QTGAL: variants seen among roughly 807,000 people sequenced by gnomAD.
QTGAL encodes BGnT-like protein 1.
chr17:82,979,368 GATCA>G, the QTGAL span: 2 of 152,192 alleles, frequency 1.3e-5, no homozygotes, highest in Non-Finnish European at 2.9e-5. Flanking sequence ...AGAGCAAGTG[GATCA>G]ATTCCTCAAA....
chr17:82,964,753 C>T, the QTGAL span, among the ~76,000 whole-genome samples: 13 of 107,288 alleles, frequency 1.2e-4, no homozygotes, highest in East Asian at 3.0e-4. Flanking sequence ...TGCACCCCCA[C>T]GGGGGGGACG....
chr17:83,009,292 C>A, the QTGAL span, among the ~76,000 whole-genome samples: 1 of 152,144 alleles, frequency 6.6e-6, no homozygotes, highest in African/African-American at 2.4e-5. Flanking sequence ...GGCGTGGTGG[C>A]GCACACCTGT....
At chr17:83,006,455 G>A in the QTGAL span, 4 of 984,244 alleles carry the variant, frequency 4.1e-6, no homozygotes, top group South Asian at 1.9e-4. This position sits in a 1 kb window ranked among gnomAD's most constrained non-coding sequence, Gnocchi z 5.8. Context: ...GACCCTCTGT[G>A]CCCTTCACCA....
the QTGAL span, among the ~76,000 whole-genome samples, chr17:83,011,885 C>T: frequency 4.6e-5 from 7 of 151,974 alleles, no homozygotes; most frequent in East Asian, 7.8e-4. Context: ...TTTGAACACA[C>T]GCCACGAACT....
At chr17:83,041,669 C>T in the QTGAL span, among the ~76,000 whole-genome samples, 17 of 152,164 alleles carry the variant, frequency 1.1e-4, no homozygotes, top group Admixed American at 3.3e-4. Flanking sequence ...GTCAAAAATG[C>T]TTGGGGGCCT....
At chr17:83,028,925 C>A in the QTGAL span, among the ~76,000 whole-genome samples, 23 of 152,132 alleles carry the variant, frequency 1.5e-4, no homozygotes, top group Non-Finnish European at 2.1e-4. Context: ...ACACAGCCAC[C>A]AATACACAAG....
At chr17:82,997,928 A>ATATAT in the QTGAL span, among the ~76,000 whole-genome samples, 968 of 78,248 alleles carry the variant, frequency 0.012, 4 homozygotes, top group Non-Finnish European at 0.021. Flanking sequence ...TTTAAAAAAA[A>ATATAT]AAATATATAT....
chr17:83,005,054 A>G, the QTGAL span: 1 of 1,392,990 alleles, frequency 7.2e-7, no homozygotes, highest in Non-Finnish European at 9.9e-7. The surrounding 1 kb of genome is among the most constrained non-coding windows in gnomAD (Gnocchi z 5.6). Flanking sequence ...AGCATAATGC[A>G]TGAGATGGCG....
chr17:82,944,189 A>G, the QTGAL span: 6 of 152,194 alleles, frequency 3.9e-5, no homozygotes, highest in African/African-American at 1.2e-4. Context: ...CAGTGACACT[A>G]TGTGGCAAAG....
At chr17:83,033,862 G>C in the QTGAL span, among the ~76,000 whole-genome samples, 9 of 152,264 alleles carry the variant, frequency 5.9e-5, no homozygotes, top group Admixed American at 5.9e-4. Context: ...TAAATTCTTA[G>C]AAAGTTTATT....
the QTGAL span, among the ~76,000 whole-genome samples, chr17:82,980,362 T>C: frequency 6.6e-6 from 1 of 152,192 alleles, no homozygotes; most frequent in Non-Finnish European, 1.5e-5. Flanking sequence ...AAACCATCAG[T>C]TCTGGAGTAG....
At chr17:83,007,089 G>C in the QTGAL span, 2 of 586,138 alleles carry the variant, frequency 3.4e-6, no homozygotes, top group Non-Finnish European at 4.3e-6. Flanking sequence ...TTTGCCGTCT[G>C]TACACCCTCC....
chr17:82,959,021 G>GGTGTGT, the QTGAL span, among the ~76,000 whole-genome samples: 59 of 16,156 alleles, frequency 3.7e-3, 5 homozygotes, highest in Non-Finnish European at 4.9e-3. Flanking sequence ...GGGGGTGTAT[G>GGTGTGT]GTGTGTGTGT....
chr17:83,032,508 AACC>A, the QTGAL span, among the ~76,000 whole-genome samples: 1 of 95,274 alleles, frequency 1.0e-5, no homozygotes, highest in Non-Finnish European at 2.1e-5. Flanking sequence ...GGAGCTGAAC[AACC>A]AGGTCAGACC....
At chr17:82,954,388 C>A in the QTGAL span, among the ~76,000 whole-genome samples, 1 of 151,752 alleles carries the variant, frequency 6.6e-6, no homozygotes, top group African/African-American at 2.4e-5. Flanking sequence ...TGAACTCTCA[C>A]AATTGCTACA....
chr17:82,970,116 C>T, the QTGAL span, among the ~76,000 whole-genome samples: 2 of 152,236 alleles, frequency 1.3e-5, no homozygotes, highest in Admixed American at 1.3e-4. Context: ...GCTTCTGCGT[C>T]GTGACAGGTG....
At chr17:83,026,588 C>G in the QTGAL span, among the ~76,000 whole-genome samples, 1 of 151,236 alleles carries the variant, frequency 6.6e-6, no homozygotes, top group South Asian at 2.1e-4. Context: ...GGGCAGGGAG[C>G]CTGCAGACAA....
the QTGAL span, among the ~76,000 whole-genome samples, chr17:82,974,304 C>G: frequency 6.6e-6 from 1 of 152,210 alleles, no homozygotes; most frequent in Non-Finnish European, 1.5e-5. Context: ...ACCCTGGACA[C>G]TGTGCGTGAC....
the QTGAL span, among the ~76,000 whole-genome samples, chr17:82,970,158 A>G: frequency 6.6e-6 from 1 of 152,172 alleles, no homozygotes. Flanking sequence ...CCCCTGGGAC[A>G]TCAGGAAGAG....
Sources: gnomAD v4.1 joint callset for allele counts (sites outside exome capture counted in the v4.1 genomes callset) on GRCh38, gnomAD v4.1.1 for gene constraint, Gnocchi (gnomAD v3.1) non-coding constraint, MANE v1.5 for transcripts, NCBI Gene and HGNC (gene_info 2026-07-23, HGNC 2026-07-21) for gene names.